Variants in LOXHD1 observed in about 807,000 individuals in gnomAD.
LOXHD1 encodes lipoxygenase homology PLAT domains 1.
A neutral mutation model predicts 248.2 loss-of-function variants in LOXHD1; 205 were observed. The ratio of observed to expected loss-of-function variants is 0.83; its 90% confidence interval spans 0.74 to 0.93. LOXHD1 has a LOEUF of 0.93. Among genes scored for constraint, LOXHD1 ranks in the 40% least tolerant of loss-of-function variants. The pLI is 0.00. For missense variants in LOXHD1, 2,930 were observed against 2,971.6 expected (o/e 0.99, Z 0.33); for synonymous variants, 1,113 against 1,162.8 (o/e 0.96, Z 0.87).
Position 46,657,069 on chromosome 18 carries a change from A to G in LOXHD1, c.-36T>C. 6.4e-7 allele frequency: 1 copy of G among 1,551,284 alleles called. No individual in the cohort carries two copies. The highest frequency in any genetic ancestry group is 8.7e-7 in the Non-Finnish European group (1 of 1,146,786). ...GCCTTCTCCCAGCGCTCGCAGGCTC[A>G]CTGTGCCGCCTCCTCACACCTGCGG... On this transcript the variant is annotated 5_prime_UTR_variant, in exon 1 of 41. Transcript: ENST00000642948.
chr18:46,514,940 T>C (rs1325726110), intron 34 of LOXHD1, among the ~76,000 whole-genome samples: 1 of 152,212 alleles, frequency 6.6e-6, no homozygotes, highest in East Asian at 1.9e-4. Flanking sequence ...GAGACTCATC[T>C]CCTGAGAGTA....
intron 6 of LOXHD1, among the ~76,000 whole-genome samples, chr18:46,607,440 A>G (rs1244704410): frequency 6.7e-6 from 1 of 150,112 alleles, no homozygotes; most frequent in Non-Finnish European, 1.5e-5. Context: ...GAATATATAT[A>G]CACACATATA....
chr18:46,489,182 C>A (rs766409500), intron 37 of LOXHD1, 40 bp from the exon 38 acceptor site: 138 of 1,544,782 alleles, frequency 8.9e-5, no homozygotes, highest in Non-Finnish European at 1.1e-4. Context: ...GCTGGATGTG[C>A]CTTCCCTCCC....
intron 12 of LOXHD1, among the ~76,000 whole-genome samples, chr18:46,589,485 T>C (rs932551265): frequency 6.6e-6 from 1 of 152,188 alleles, no homozygotes; most frequent in Non-Finnish European, 1.5e-5. Flanking sequence ...AGGATGCAGG[T>C]GAGTGGACAC....
intron 34 of LOXHD1, among the ~76,000 whole-genome samples, chr18:46,517,597 C>G (rs949859753): frequency 7.2e-5 from 11 of 152,040 alleles, no homozygotes; most frequent in African/African-American, 2.4e-4. Context: ...TACAAGGACC[C>G]TTGTCTTCTT....
At position 46,638,643 on chromosome 18, in the gene LOXHD1, TAAAC is replaced by T. The variant is rs1215175167; in HGVS notation, c.511+969_511+972del. 2.0e-5 allele frequency among the ~76,000 whole-genome samples: 3 copies of T among 152,048 alleles called. No homozygotes were observed. In the East Asian group the frequency reaches 5.8e-4, roughly 29 times the overall value. On this transcript the variant is annotated intron_variant, in intron 4 of 40. Coordinates refer to ENST00000642948, the MANE Select transcript of LOXHD1 (RefSeq NM_001384474.1). ...AGTGAAACTCCATCTCAAAAATAAATAAACAAATAAAATAAAAATAAAATAATCA... is the reference window on the plus strand; with the variant it reads ...AGTGAAACTCCATCTCAAAAATAAATAAATAAAATAAAAATAAAATAATCA...
intron 26 of LOXHD1, among the ~76,000 whole-genome samples, chr18:46,536,829 A>C (rs1427232911): frequency 6.6e-6 from 1 of 152,176 alleles, no homozygotes; most frequent in Non-Finnish European, 1.5e-5. Context: ...AGGAAGAAGG[A>C]AGGTGCCCTG....
chr18:46,570,886 C>G (rs1158126146), intron 15 of LOXHD1, among the ~76,000 whole-genome samples: 1 of 152,158 alleles, frequency 6.6e-6, no homozygotes, highest in Non-Finnish European at 1.5e-5. Context: ...GACGCTCTGA[C>G]TGAGGAAGCA....
At chr18:46,539,464 A>C (rs1179960360) in intron 25 of LOXHD1, among the ~76,000 whole-genome samples, 1 of 151,972 alleles carries the variant, frequency 6.6e-6, no homozygotes, top group South Asian at 2.1e-4. Flanking sequence ...CTCTCTTAAA[A>C]AAAAAATGCA....
At chr18:46,477,080 CTAGCT>C, downstream of LOXHD1, 1 of 702,530 alleles carries the variant, frequency 1.4e-6, no homozygotes, top group South Asian at 1.5e-5. Context: ...TTTAATTAGC[CTAGCT>C]TTTTTGGGGA....
At chr18:46,529,399 G>A (rs2035965940) in intron 28 of LOXHD1, 68 bp from the exon 29 acceptor site, 7 of 1,472,142 alleles carry the variant, frequency 4.8e-6, no homozygotes, top group Middle Eastern at 3.5e-4. Context: ...TAGGTCTTGA[G>A]GAACTGGATT....
chr18:46,528,102 A>T (rs1182363903), intron 29 of LOXHD1, among the ~76,000 whole-genome samples: 1 of 152,164 alleles, frequency 6.6e-6, no homozygotes, highest in South Asian at 2.1e-4. Flanking sequence ...ATATTAAGGG[A>T]TATGCCTGGC....
chr18:46,520,513 G>A (rs567369705), intron 33 of LOXHD1: 126 of 337,788 alleles, frequency 3.7e-4, no homozygotes, highest in East Asian at 2.9e-3. Context: ...TGACCTGTGC[G>A]TTTATATAAT....
Position 46,604,248 on chromosome 18 carries a change from G to A in LOXHD1, c.760-19C>T, listed in dbSNP as rs1269392173. On this transcript the variant is annotated intron_variant, in intron 6 of 40. Coordinates refer to ENST00000642948, the MANE Select transcript of LOXHD1 (RefSeq NM_001384474.1). ...TGACTATCTGGGAAGGAGAAGAGGG[G>A]ACAAGGATGTAGATAAGTGTTGTTG... 2 of 1,551,544 alleles carry A rather than the reference G, an allele frequency of 1.3e-6. No homozygotes were observed.
At chr18:46,523,630 G>C (rs76372190) in intron 31 of LOXHD1, among the ~76,000 whole-genome samples, 4,356 of 152,226 alleles carry the variant, frequency 0.029, 193 homozygotes, top group African/African-American at 0.099. Flanking sequence ...CCCTGGCATA[G>C]TGGATTTTAG....
chr18:46,579,486 C>T (rs1178704154), intron 13 of LOXHD1, 144 bp downstream of exon 13: 37 of 1,100,292 alleles, frequency 3.4e-5, no homozygotes, highest in South Asian at 7.8e-5. Context: ...CCCAGTTCCC[C>T]GCCCCCTTAC....
rs368897445 is a variant in LOXHD1 at position 46,602,892 on chromosome 18, T to C, written c.883+1214A>G. On this transcript the variant is annotated intron_variant, in intron 7 of 40. Transcript: ENST00000642948. The stretch of plus-strand genomic sequence containing the variant: ...GGATATAAGCAATGCCCAGCTGCTA[T>C]CATTTCTGCTCTTCTTCTACCACTA... Among the ~76,000 whole-genome samples the C allele has an allele frequency of 4.6e-5, 7 of 152,208 alleles. No homozygotes were observed. In the East Asian group the frequency reaches 5.8e-4, roughly 13 times the overall value.
rs531634073 is a variant in LOXHD1 at position 46,558,123 on chromosome 18, C to G, written c.3217-634G>C. On this transcript the variant is annotated intron_variant, in intron 20 of 40. Transcript: ENST00000642948. ...CTTAATTTTGAAAAAGATTTTAAAT[C>G]TACAGAAAACTTTCAGAAATAGTAT... 3.2e-6 allele frequency: 3 copies of G among 944,374 alleles called. No individual in the cohort carries two copies. The South Asian group carries it at 1.5e-4, about 46-fold the overall frequency. The allele number at this position is 944,374 out of a possible 1,614,324, so 58.5% of individuals were successfully genotyped here.
chr18:46,563,744 A>G (rs1165346325), intron 17 of LOXHD1, among the ~76,000 whole-genome samples: 5 of 152,214 alleles, frequency 3.3e-5, no homozygotes, highest in African/African-American at 9.6e-5. Flanking sequence ...AGTTTAAATG[A>G]GACCCCCAAG....
Sources: gnomAD v4.1 joint callset for allele counts (sites outside exome capture counted in the v4.1 genomes callset) on GRCh38, gnomAD v4.1.1 for gene constraint, MANE v1.5 for transcripts, NCBI Gene and HGNC (gene_info 2026-07-23, HGNC 2026-07-21) for gene names.